The following USP31 variants were observed in gnomAD, a reference collection of about 807,000 sequenced individuals.
USP31 encodes the protein ubiquitin specific peptidase 31.
In USP31, 44 loss-of-function variants were observed where a neutral mutation model predicts 119.4. The observed-to-expected ratio is 0.37, with a 90% CI of 0.29 to 0.47. The LOEUF is 0.47. USP31 is among the 20% of genes least tolerant of loss of function. USP31 has a pLI of 0.99. For missense variants in USP31, 1,643 were observed against 1,730.2 expected (o/e 0.95, Z 0.89); for synonymous variants, 749 against 705.6 (o/e 1.06, Z -0.97).
In USP31 at chr16:23,149,411, A is replaced by G. The variant is rs1903657059; in HGVS notation, c.-141T>C. 1 of 953,084 alleles carries G rather than the reference A, an allele frequency of 1.0e-6. No individual in the cohort carries two copies. Among genetic ancestry groups the G allele is most frequent in the East Asian group, 1.2e-4 (1 of 8,432 alleles). 59.0% of individuals were successfully genotyped at this position (953,084 alleles called of 1,614,324 possible). A position where few individuals can be genotyped will look rare whatever the true frequency, so the allele number is the denominator to read the frequency against. ...ACACACCTCAAAGCGCAGCCGAGCC[A>G]GCGAGCGAGCGGCGGCCGGCGGGGC... On this transcript the variant is annotated 5_prime_UTR_variant, in exon 1 of 16. Transcript: ENST00000219689.
chr16:23,107,860 C>CTTG (rs1902170898), intron 2 of USP31, among the ~76,000 whole-genome samples, 186 bp downstream of exon 2: 1 of 152,204 alleles, frequency 6.6e-6, no homozygotes, highest in African/African-American at 2.4e-5. Flanking sequence ...GACAACAGCT[C>CTTG]TTGTATCTTA....
intron 13 of USP31, among the ~76,000 whole-genome samples, chr16:23,077,371 A>T (rs1822867564): frequency 1.3e-5 from 2 of 152,244 alleles, no homozygotes; most frequent in Non-Finnish European, 2.9e-5. Flanking sequence ...AAGGGTTTCA[A>T]GAATAAAAGA....
chr16:23,108,167 T>C lies in USP31; in HGVS notation c.650A>G (p.Asn217Ser), dbSNP rs1407236423. The change falls in exon 2 of 16, where the codon AAT (asparagine) becomes AGT (serine). Residue 217 changes from asparagine to serine, a missense_variant. By Grantham distance (46) the Asn-to-Ser change is conservative (BLOSUM62 1). Around this residue, in one of 5 missense-constraint regions of USP31, gnomAD observed 144 missense variants for 218.0 expected, o/e 0.66. Transcript: ENST00000219689. Reference protein sequence around the residue: ...SRDFKTIVSKNALQYRGNSQH... With the variant: ...SRDFKTIVSKSALQYRGNSQH... ...GGAATTTCCCCGGTACTGCAGTGCATTCTTTGACACAATAGTCTATGCAGG... is the reference window on the plus strand; with the variant it reads ...GGAATTTCCCCGGTACTGCAGTGCACTCTTTGACACAATAGTCTATGCAGG... 2.5e-6 allele frequency: 4 copies of C among 1,613,046 alleles called. No individual in the cohort carries two copies. The highest frequency in any genetic ancestry group is 2.7e-5 in the African/African-American group (2 of 74,864).
At chr16:23,086,732 G>A (rs1276219930) in intron 9 of USP31, among the ~76,000 whole-genome samples, 1 of 152,178 alleles carries the variant, frequency 6.6e-6, no homozygotes, top group Non-Finnish European at 1.5e-5. Context: ...TGTGGAACAC[G>A]GGCTTTATTT....
intron 1 of USP31, among the ~76,000 whole-genome samples, chr16:23,117,817 G>A (rs1430102662): frequency 6.7e-6 from 1 of 149,254 alleles, no homozygotes. Flanking sequence ...TGTTGAGATG[G>A]AGTCTCTCTC....
Position 23,108,965 on chromosome 16 carries a change from G to C in USP31, c.634-782C>G, listed in dbSNP as rs938726567. On this transcript the variant is annotated intron_variant, in intron 1 of 15. Coordinates refer to ENST00000219689, the MANE Select transcript of USP31 (RefSeq NM_020718.4). ...GTCTAAGATACTAACAGCCTAGTGA[G>C]GGGGACAGGGAGAAAGTCCACGCTT... Among the ~76,000 whole-genome samples the C allele has an allele frequency of 2.0e-5, 3 of 152,184 alleles. No individual in the cohort carries two copies. In the South Asian group the frequency reaches 6.2e-4, roughly 32 times the overall value.
Position 23,066,461 on chromosome 16 carries a change from T to C in USP31, c.*1585A>G, listed in dbSNP as rs757470469. On this transcript the variant is annotated 3_prime_UTR_variant, in exon 16 of 16. Transcript: ENST00000219689. ...GAATTCACAGCTATGCATGCATATG[T>C]GTTGTAGTTAATTCACACACAGCAA... The C allele has an allele frequency of 2.6e-5, 4 of 152,338 alleles. No individual in the cohort carries two copies. Among genetic ancestry groups the C allele is most frequent in the East Asian group, 1.9e-4 (1 of 5,200 alleles). The allele number at this position is 152,338 out of a possible 1,614,324, so 9.4% of individuals were successfully genotyped here.
At chr16:23,111,106 C>T (rs545969714) in intron 1 of USP31, among the ~76,000 whole-genome samples, 6 of 151,726 alleles carry the variant, frequency 4.0e-5, no homozygotes, top group South Asian at 2.1e-4. Flanking sequence ...CCAGCCTGGA[C>T]GACAGAGCGA....
rs1205766615 is a variant in USP31 at position 23,149,158 on chromosome 16, G to GCGC, written c.110_112dup (p.Gly37dup). On this transcript the variant is annotated inframe_insertion, in exon 1 of 16. Coordinates refer to ENST00000219689, the MANE Select transcript of USP31 (RefSeq NM_020718.4). ...CGGCCCGGACGCCCCGGGGCCCCCC[G>GCGC]CGCCGCCGCCGCCAGCGCGGCCGCT... is the stretch of plus-strand genomic sequence containing the variant. The GCGC allele has an allele frequency of 8.4e-5, 99 of 1,171,972 alleles. No individual in the cohort carries two copies. The highest frequency in any genetic ancestry group is 1.0e-4 in the Non-Finnish European group (96 of 944,866). The allele number at this position is 1,171,972 out of a possible 1,614,324, so 72.6% of individuals were successfully genotyped here.
intron 1 of USP31, among the ~76,000 whole-genome samples, chr16:23,134,072 G>GTCTC (rs760529003): frequency 7.2e-4 from 101 of 140,260 alleles, no homozygotes; most frequent in African/African-American, 2.4e-3. Context: ...GTGAGACCCT[G>GTCTC]TCTCTCTCTC....
chr16:23,078,837 T>C (rs1228774603), intron 13 of USP31: 1 of 152,138 alleles, frequency 6.6e-6, no homozygotes, highest in East Asian at 1.9e-4. Context: ...GTCAAGTATA[T>C]ACTACATACC....
In USP31 at chr16:23,106,702, GTC is replaced by G. The variant is rs1405555967; in HGVS notation, c.772-217_772-216del. Among the ~76,000 whole-genome samples the G allele has an allele frequency of 2.0e-5, 3 of 152,076 alleles. No individual in the cohort carries two copies. The East Asian group carries it at 5.8e-4, about 29-fold the overall frequency. The stretch of plus-strand genomic sequence containing the variant: ...CCTCACACAGACTCTGCCAGCAATC[GTC>G]TCTGCACAGCACTCAGCCGGGCAGC... On this transcript the variant is annotated intron_variant, in intron 2 of 15. Coordinates refer to ENST00000219689, the MANE Select transcript of USP31 (RefSeq NM_020718.4).
At chr16:23,093,413 AAAC>A (rs1247536785) in intron 6 of USP31, among the ~76,000 whole-genome samples, 3 of 152,248 alleles carry the variant, frequency 2.0e-5, no homozygotes, top group Admixed American at 1.3e-4. Flanking sequence ...ATAAATGGCC[AAAC>A]AAGCACATGG....
At position 23,085,628 on chromosome 16, in the gene USP31, G is replaced by A. The variant is rs1901074575; in HGVS notation, c.1657C>T (p.His553Tyr). 1 of 1,614,040 alleles carries A rather than the reference G, an allele frequency of 6.2e-7. No homozygotes were observed. The highest frequency in any genetic ancestry group is 8.5e-7 in the Non-Finnish European group (1 of 1,179,988). ...TCCCACTCGACTACTAATTTCACAT[G>A]AGCAGTGCCACCTGGTCCACAAGAT... ...LKSCGPGGTA[H>Y]VKLVVEWDKE... The change falls in exon 10 of 16, where the codon CAT (histidine) becomes TAT (tyrosine). Residue 553 changes from histidine to tyrosine, a missense_variant. Physicochemically the swap from His to Tyr is moderately conservative, Grantham distance 83. Around this residue, in one of 5 missense-constraint regions of USP31, gnomAD observed 279 missense variants for 372.2 expected, o/e 0.75. Coordinates refer to ENST00000219689, the MANE Select transcript of USP31 (RefSeq NM_020718.4).
intron 7 of USP31, among the ~76,000 whole-genome samples, chr16:23,090,334 C>T (rs557281058): frequency 2.0e-5 from 3 of 152,062 alleles, no homozygotes; most frequent in African/African-American, 7.2e-5. Context: ...TGCAGTGAAC[C>T]GAGATCGCGC....
chr16:23,107,400 C>A (rs1902153137), intron 2 of USP31, among the ~76,000 whole-genome samples: 1 of 152,150 alleles, frequency 6.6e-6, no homozygotes, highest in Non-Finnish European at 1.5e-5. Context: ...ATAGAGTGTT[C>A]AGGCACAAAA....
At chr16:23,106,734 C>T (rs1466645988) in intron 2 of USP31, among the ~76,000 whole-genome samples, 1 of 152,156 alleles carries the variant, frequency 6.6e-6, no homozygotes, top group Non-Finnish European at 1.5e-5. Context: ...GGCAGCTCCC[C>T]TTCCCCAGGA....
At chr16:23,106,165 G>T (rs769863492) in intron 4 of USP31, 48 bp downstream of exon 4, 3 of 1,605,978 alleles carry the variant, frequency 1.9e-6, no homozygotes, top group Non-Finnish European at 2.6e-6. Context: ...AGAGGCAAAG[G>T]GATACCATAA....
At position 23,064,845 on chromosome 16, in the gene USP31, A is replaced by G. The variant is rs1900001706; in HGVS notation, c.*3201T>C. ...TTGCAGAATGAATGATGAAAACAAG[A>G]TTGCAAAAGCGTGTCAGGCAGCCTC... On this transcript the variant is annotated 3_prime_UTR_variant, in exon 16 of 16. Transcript: ENST00000219689. 1 of 152,132 alleles carries G rather than the reference A, an allele frequency of 6.6e-6. No homozygotes were observed. Among genetic ancestry groups the G allele is most frequent in the African/African-American group, 2.4e-5 (1 of 41,438 alleles). The allele number at this position is 152,132 out of a possible 1,614,324, so 9.4% of individuals were successfully genotyped here. A position where few individuals can be genotyped will look rare whatever the true frequency, so the allele number is the denominator to read the frequency against.
Sources: gnomAD v4.1 joint callset for allele counts (sites outside exome capture counted in the v4.1 genomes callset) on GRCh38, gnomAD v4.1.1 for gene constraint, gnomAD v4.1.1 regional missense constraint, MANE v1.5 for transcripts, NCBI Gene and HGNC (gene_info 2026-07-23, HGNC 2026-07-21) for gene names.